The following RNF187 variants were observed in gnomAD, a reference collection of about 807,000 sequenced individuals.
The protein encoded by RNF187 is ring finger protein 187.
Under a neutral mutation model 22.2 loss-of-function variants are expected in RNF187, and 18 were observed. The observed-to-expected ratio is 0.81, with a 90% CI of 0.56 to 1.20. RNF187 has a LOEUF of 1.20. Among genes scored for constraint, RNF187 ranks in the 50% most tolerant of loss-of-function variants. The probability of loss-of-function intolerance (pLI) is 0.00; values close to 1 mark genes in which losing one functional copy is unlikely to be tolerated. For synonymous variants in RNF187, 164 were observed against 140.9 expected (o/e 1.16, Z -1.16); for missense variants, 329 against 317.6 (o/e 1.04, Z -0.27).
Position 228,495,398 on chromosome 1 carries a change from C to T in RNF187, c.*1513C>T. The T allele has an allele frequency of 1.3e-5, 11 of 877,018 alleles. No homozygotes were observed. The highest frequency in any genetic ancestry group is 1.8e-5 in the African/African-American group (1 of 54,868). The allele number at this position is 877,018 out of a possible 1,614,324, so 54.3% of individuals were successfully genotyped here. On this transcript the variant is annotated 3_prime_UTR_variant, in exon 4 of 4. Coordinates refer to ENST00000305943, the MANE Select transcript of RNF187 (RefSeq NM_001010858.3). ...TAGGGTTCTTGCTAAAACTGGATTTCATAAGAAAGGGCAAAGAGGGCCCTA... is the reference window on the plus strand; with the variant it reads ...TAGGGTTCTTGCTAAAACTGGATTTTATAAGAAAGGGCAAAGAGGGCCCTA...
chr1:228,487,936 C>A, intron 1 of RNF187, 58 bp downstream of exon 1: 3 of 1,045,486 alleles, frequency 2.9e-6, no homozygotes, highest in Non-Finnish European at 3.5e-6. Context: ...CTCTCCGCCC[C>A]CGCCCCGGTC....
At position 228,495,981 on chromosome 1, in the gene RNF187, T is replaced by C; in HGVS notation, c.*2096T>C. Among the ~76,000 whole-genome samples, 5 of 152,294 alleles carry C rather than the reference T, an allele frequency of 3.3e-5. No homozygotes were observed. Among genetic ancestry groups the C allele is most frequent in the African/African-American group, 9.6e-5 (4 of 41,572 alleles). ...GCAGTCAGCCCTCCCTCTGCACATA[T>C]GTGGGACAGTCAGATACAGAGGGCC... is the stretch of plus-strand genomic sequence containing the variant. On this transcript the variant is annotated 3_prime_UTR_variant, in exon 4 of 4. Transcript: ENST00000305943.
Position 228,495,304 on chromosome 1 carries a change from C to A in RNF187, c.*1419C>A. 2 of 274,442 alleles carry A rather than the reference C, an allele frequency of 7.3e-6. No individual in the cohort carries two copies. Among genetic ancestry groups the A allele is most frequent in the Non-Finnish European group, 1.1e-5 (2 of 179,928 alleles). The allele number at this position is 274,442 out of a possible 1,614,324, so 17.0% of individuals were successfully genotyped here. On this transcript the variant is annotated 3_prime_UTR_variant, in exon 4 of 4. Transcript: ENST00000305943. ...GGCAGGCAGGGCGATCAGACATTGG[C>A]TGCAAACGGTCAGAGAGGAACCCAG...
At chr1:228,490,590 G>C in intron 2 of RNF187, among the ~76,000 whole-genome samples, 4 of 152,212 alleles carry the variant, frequency 2.6e-5, no homozygotes, top group African/African-American at 2.4e-5. Context: ...GCAGCGTGTT[G>C]CATCAGCCAG....
Position 228,487,646 on chromosome 1 carries a change from C to T in RNF187, c.158C>T (p.Ala53Val), listed in dbSNP as rs1219402636. ...GGGCCCTTCCCGTGCCCCGAGTGCG[C>T]CGACGACTGCTGGCAGCGCGCCGTG... Residue 53 changes from alanine (A) to valine (V), a missense_variant, in exon 1 of 4, where the codon GCC becomes GTC. Coordinates refer to ENST00000305943, the MANE Select transcript of RNF187 (RefSeq NM_001010858.3). 3.4e-6 allele frequency: 4 copies of T among 1,176,764 alleles called. No homozygotes were observed. Among genetic ancestry groups the T allele is most frequent in the Admixed American group, 3.6e-5 (1 of 27,512 alleles). The allele number at this position is 1,176,764 out of a possible 1,614,324, so 72.9% of individuals were successfully genotyped here.
Position 228,496,084 on chromosome 1 carries a change from G to C in RNF187, c.*2199G>C. Among the ~76,000 whole-genome samples the C allele has an allele frequency of 1.3e-5, 2 of 152,132 alleles. No homozygotes were observed. On this transcript the variant is annotated 3_prime_UTR_variant, in exon 4 of 4. Coordinates refer to ENST00000305943, the MANE Select transcript of RNF187 (RefSeq NM_001010858.3). ...CCTTGAGTTTATTCTTGTATAGCAG[G>C]GACTCTGTACCCTCTGACTAGAATT...
At position 228,487,759 on chromosome 1, in the gene RNF187, G is replaced by T; in HGVS notation, c.271G>T (p.Ala91Ser). ...CGCGCGCGACGGCCCGGCCAGCGAG[G>T]CCGCGCTGCAGCTGCTGTGCCGCGC... Residue 91 changes from alanine to serine, a missense_variant, in exon 1 of 4, where the codon GCC becomes TCC. Ala to Ser is a moderately conservative substitution (Grantham distance 99). Coordinates refer to ENST00000305943, the MANE Select transcript of RNF187 (RefSeq NM_001010858.3). 1 of 1,048,200 alleles carries T rather than the reference G, an allele frequency of 9.5e-7. No homozygotes were observed. Among genetic ancestry groups the T allele is most frequent in the Non-Finnish European group, 1.1e-6 (1 of 872,222 alleles). The allele number at this position is 1,048,200 out of a possible 1,614,324, so 64.9% of individuals were successfully genotyped here. A position where few individuals can be genotyped will look rare whatever the true frequency, so the allele number is the denominator to read the frequency against.
intron 2 of RNF187, among the ~76,000 whole-genome samples, chr1:228,492,600 G>C: frequency 6.7e-6 from 1 of 148,860 alleles, no homozygotes; most frequent in African/African-American, 2.5e-5. Flanking sequence ...GATTATAGGC[G>C]TGAGCCCCCG....
rs1659012347 is a variant in RNF187 at position 228,493,263 on chromosome 1, A to C, written c.694A>C (p.Met232Leu). ...GAAGCATCGCAACCTGGGCCTCAGC[A>C]TGCTGCTGCAGGTGCGGGAGCCCCG... Residue 232 changes from methionine to leucine, a missense_variant, in exon 3 of 4, where the codon ATG (methionine) becomes CTG (leucine). Met to Leu is a conservative substitution (Grantham distance 15). Coordinates refer to ENST00000305943, the MANE Select transcript of RNF187 (RefSeq NM_001010858.3). This position sits in a 1 kb window ranked among gnomAD's most constrained non-coding sequence, Gnocchi z 4.7. 6 of 1,550,074 alleles carry C rather than the reference A, an allele frequency of 3.9e-6. No homozygotes were observed. Among genetic ancestry groups the C allele is most frequent in the African/African-American group, 1.4e-5 (1 of 73,154 alleles).
At position 228,487,749 on chromosome 1, in the gene RNF187, G is replaced by A. The variant is rs1367504879; in HGVS notation, c.261G>A (p.Pro87=). 5.8e-6 allele frequency: 6 copies of A among 1,035,802 alleles called. No homozygotes were observed. Among genetic ancestry groups the A allele is most frequent in the Non-Finnish European group, 6.9e-6 (6 of 864,678 alleles). The allele number at this position is 1,035,802 out of a possible 1,614,324, so 64.2% of individuals were successfully genotyped here. A position where few individuals can be genotyped will look rare whatever the true frequency, so the allele number is the denominator to read the frequency against. The change falls in exon 1 of 4, where the codon CCG becomes CCA. Residue 87 remains proline (P), a synonymous_variant. Coordinates refer to ENST00000305943, the MANE Select transcript of RNF187 (RefSeq NM_001010858.3). ...CCGCGGCGCCCGCGCGCGACGGCCC[G>A]GCCAGCGAGGCCGCGCTGCAGCTGC...
Position 228,493,956 on chromosome 1 carries a change from G to A in RNF187, c.*71G>A. 6.4e-7 allele frequency: 1 copy of A among 1,551,562 alleles called. No individual in the cohort carries two copies. Reference sequence around the variant, plus strand: ...ATCCTCATCTCCATGGGAAGTGTCAGCGTGTGGCTGCCAGGGAAGCGTGGC... The same window carrying A: ...ATCCTCATCTCCATGGGAAGTGTCAACGTGTGGCTGCCAGGGAAGCGTGGC... On this transcript the variant is annotated 3_prime_UTR_variant, in exon 4 of 4. Coordinates refer to ENST00000305943, the MANE Select transcript of RNF187 (RefSeq NM_001010858.3). This position sits in a 1 kb window ranked among gnomAD's most constrained non-coding sequence, Gnocchi z 4.7.
chr1:228,487,982 C>G, intron 1 of RNF187, 104 bp downstream of exon 1: 1 of 718,472 alleles, frequency 1.4e-6, no homozygotes, highest in Non-Finnish European at 1.7e-6. Context: ...CTCCACTGTT[C>G]CTGTCCCCGG....
Position 228,494,347 on chromosome 1 carries a change from G to A in RNF187, c.*462G>A. ...AAGAATGCGCATGACGCTCTGTGAAGGCTGGAACTCAGGTCTTCAGGGAGA... is the reference window on the plus strand; with the variant it reads ...AAGAATGCGCATGACGCTCTGTGAAAGCTGGAACTCAGGTCTTCAGGGAGA... On this transcript the variant is annotated 3_prime_UTR_variant, in exon 4 of 4. Transcript: ENST00000305943. The A allele has an allele frequency of 9.7e-7, 1 of 1,035,562 alleles. No homozygotes were observed. The highest frequency in any genetic ancestry group is 8.2e-5 in the East Asian group (1 of 12,158). The allele number at this position is 1,035,562 out of a possible 1,614,324, so 64.1% of individuals were successfully genotyped here.
rs1394335374 is a variant in RNF187 at position 228,488,960 on chromosome 1, G to A, written c.391G>A (p.Glu131Lys). The A allele has an allele frequency of 1.3e-6, 2 of 1,551,128 alleles. No homozygotes were observed. The highest frequency in any genetic ancestry group is 1.2e-5 in the South Asian group (1 of 84,054). ...CCTGGTGACCTTCTTTTCTTTACAGGAGAACAAGGGGTCTGTGGAAATCAT... is the reference window on the plus strand; with the variant it reads ...CCTGGTGACCTTCTTTTCTTTACAGAAGAACAAGGGGTCTGTGGAAATCAT... The change falls in exon 2 of 4, where the codon GAG becomes AAG. Residue 131 changes from glutamate to lysine, a missense_variant and splice_region_variant. Coordinates refer to ENST00000305943, the MANE Select transcript of RNF187 (RefSeq NM_001010858.3).
intron 2 of RNF187, among the ~76,000 whole-genome samples, chr1:228,490,160 T>G: frequency 2.0e-5 from 3 of 152,254 alleles, no homozygotes; most frequent in African/African-American, 7.2e-5. Flanking sequence ...CTTGGGTAAC[T>G]GGCTGCATCT....
chr1:228,487,937 C>A lies in RNF187; in HGVS notation c.390+59C>A. On this transcript the variant is annotated intron_variant, in intron 1 of 3. Coordinates refer to ENST00000305943, the MANE Select transcript of RNF187 (RefSeq NM_001010858.3). ...ACGGTGCCCTGCGCCTCTCCGCCCC[C>A]GCCCCGGTCCCCCTGAGCCCTGGGC... 311 of 1,043,440 alleles carry A rather than the reference C, an allele frequency of 3.0e-4. 1 individual carries two copies. The Middle Eastern group carries it at 3.0e-3, about 10-fold the overall frequency. 64.6% of individuals were successfully genotyped at this position (1,043,440 alleles called of 1,614,324 possible). A position where few individuals can be genotyped will look rare whatever the true frequency, so the allele number is the denominator to read the frequency against.
In RNF187 at chr1:228,493,958, G is replaced by A; in HGVS notation, c.*73G>A. On this transcript the variant is annotated 3_prime_UTR_variant, in exon 4 of 4. Coordinates refer to ENST00000305943, the MANE Select transcript of RNF187 (RefSeq NM_001010858.3). This position sits in a 1 kb window ranked among gnomAD's most constrained non-coding sequence, Gnocchi z 4.7. ...CCTCATCTCCATGGGAAGTGTCAGCGTGTGGCTGCCAGGGAAGCGTGGCAG... is the reference window on the plus strand; with the variant it reads ...CCTCATCTCCATGGGAAGTGTCAGCATGTGGCTGCCAGGGAAGCGTGGCAG... 1.4e-5 allele frequency: 22 copies of A among 1,551,542 alleles called. No homozygotes were observed. The highest frequency in any genetic ancestry group is 1.7e-5 in the Non-Finnish European group (19 of 1,146,980).
Position 228,493,869 on chromosome 1 carries a change from C to T in RNF187, c.706-14C>T. 1.8e-5 allele frequency: 28 copies of T among 1,551,444 alleles called. No homozygotes were observed. Among genetic ancestry groups the T allele is most frequent in the Middle Eastern group, 1.7e-4 (1 of 6,016 alleles). ...TTTTTGTCTCTCTGTCTTTCCCTCT[C>T]CCCTCCCATGCAGTGATGGCGCCAA... On this transcript the variant is annotated splice_polypyrimidine_tract_variant and intron_variant, in intron 3 of 3. Transcript: ENST00000305943. This position sits in a 1 kb window ranked among gnomAD's most constrained non-coding sequence, Gnocchi z 4.7.
At chr1:228,487,981 T>C in intron 1 of RNF187, 103 bp downstream of exon 1, 147 of 727,894 alleles carry the variant, frequency 2.0e-4, no homozygotes, top group Non-Finnish European at 2.1e-4. Flanking sequence ...TCTCCACTGT[T>C]CCTGTCCCCG....
Sources: gnomAD v4.1 joint callset for allele counts (sites outside exome capture counted in the v4.1 genomes callset) on GRCh38, gnomAD v4.1.1 for gene constraint, Gnocchi (gnomAD v3.1) non-coding constraint, MANE v1.5 for transcripts, NCBI Gene and HGNC (gene_info 2026-07-23, HGNC 2026-07-21) for gene names.